GLIS3: variants seen among roughly 807,000 people sequenced by gnomAD.
The protein encoded by GLIS3 is zinc finger protein GLIS3.
In GLIS3, 53 loss-of-function variants were observed where a neutral mutation model predicts 78.6. That is an observed-to-expected ratio of 0.67 (90% confidence interval 0.54 to 0.85). The LOEUF (loss-of-function observed/expected upper bound fraction) is 0.85, where lower values mean the gene tolerates loss of function less well. GLIS3 is among the 40% of genes least tolerant of loss of function. The probability of loss-of-function intolerance (pLI) is 0.00; values close to 1 mark genes in which losing one functional copy is unlikely to be tolerated. For missense variants in GLIS3, 1,703 were observed against 1,231.1 expected, an observed-to-expected ratio of 1.38 and a Z score of -5.74; for synonymous variants, 684 against 509.9, an observed-to-expected ratio of 1.34 and a Z score of -4.60.
intron 4 of GLIS3, among the ~76,000 whole-genome samples, chr9:4,099,445 C>A (rs946661286): frequency 2.9e-5 from 4 of 137,600 alleles, no homozygotes; most frequent in Non-Finnish European, 6.3e-5. Flanking sequence ...TTGCACATCA[C>A]CTTCCCCCAA....
intron 4 of GLIS3, among the ~76,000 whole-genome samples, chr9:4,081,790 A>G (rs532075843): frequency 3.7e-4 from 56 of 152,286 alleles, no homozygotes; most frequent in African/African-American, 1.3e-3. Context: ...TAAATTAGCC[A>G]CCATAATTTC....
At chr9:4,385,823 AGAAAAG>A in the GLIS3 span, among the ~76,000 whole-genome samples, 2 of 17,428 alleles carry the variant, frequency 1.1e-4, no homozygotes, top group Admixed American at 8.4e-4. Context: ...AGAAAGAAAG[AGAAAAG>A]AAAGAAAAAA....
intron 2 of GLIS3, among the ~76,000 whole-genome samples, chr9:4,173,200 G>A (rs917050396): frequency 1.3e-5 from 2 of 152,112 alleles, no homozygotes; most frequent in Non-Finnish European, 2.9e-5. Context: ...AAAGAAATTA[G>A]CCAAAACAGG....
At chr9:4,061,987 T>G (rs1826693876) in intron 4 of GLIS3, among the ~76,000 whole-genome samples, 1 of 152,216 alleles carries the variant, frequency 6.6e-6, no homozygotes, top group African/African-American at 2.4e-5. Context: ...GTGGCAGGAC[T>G]CCTCATCCTC....
At chr9:4,425,733 G>T in the GLIS3 span, among the ~76,000 whole-genome samples, 1 of 152,302 alleles carries the variant, frequency 6.6e-6, no homozygotes, top group East Asian at 1.9e-4. Flanking sequence ...CCTTTACCTA[G>T]TACCACCTGC....
intron 2 of GLIS3, among the ~76,000 whole-genome samples, chr9:4,325,964 C>T (rs1168007009): frequency 2.0e-5 from 3 of 152,162 alleles, no homozygotes; most frequent in Non-Finnish European, 4.4e-5. Flanking sequence ...GAGAAACAAA[C>T]ACCACCTGTT....
chr9:4,216,996 G>C (rs893756555), intron 2 of GLIS3, among the ~76,000 whole-genome samples: 3 of 152,212 alleles, frequency 2.0e-5, no homozygotes, highest in Non-Finnish European at 2.9e-5. Context: ...CCACATTAAA[G>C]GGATTCAGCT....
the GLIS3 span, among the ~76,000 whole-genome samples, chr9:4,421,934 C>T: frequency 7.2e-5 from 11 of 152,278 alleles, no homozygotes; most frequent in South Asian, 1.0e-3. Context: ...TGTTTATTTT[C>T]AGTCATCTCT....
chr9:4,212,319 C>T (rs1181630743), intron 2 of GLIS3, among the ~76,000 whole-genome samples: 1 of 152,214 alleles, frequency 6.6e-6, no homozygotes, highest in Non-Finnish European at 1.5e-5. Context: ...ATTTCACAGC[C>T]ACACTTGTAG....
chr9:4,210,848 A>G (rs73400408), intron 2 of GLIS3, among the ~76,000 whole-genome samples: 14 of 152,122 alleles, frequency 9.2e-5, no homozygotes, highest in African/African-American at 3.1e-4. Flanking sequence ...TTGTCCCCCA[A>G]CTTGGAATGT....
At chr9:4,383,966 A>G in the GLIS3 span, among the ~76,000 whole-genome samples, 1 of 152,200 alleles carries the variant, frequency 6.6e-6, no homozygotes, top group African/African-American at 2.4e-5. Context: ...CAAGACTTAC[A>G]GCCTTAAATA....
the GLIS3 span, among the ~76,000 whole-genome samples, chr9:4,366,957 C>G: frequency 4.7e-5 from 7 of 149,346 alleles, no homozygotes; most frequent in African/African-American, 9.7e-5. Context: ...CTGCCACTTT[C>G]CAGCAGAAAG....
intron 4 of GLIS3, among the ~76,000 whole-genome samples, chr9:4,099,510 C>G (rs487732): frequency 2.0e-5 from 3 of 151,992 alleles, no homozygotes; most frequent in Non-Finnish European, 4.4e-5. Context: ...ACCAGTTGCA[C>G]TGAACCAGGG....
At position 3,942,660 on chromosome 9, in the gene GLIS3, A is replaced by G. The variant is rs1336036452; in HGVS notation, c.1711-5471T>C. Among the ~76,000 whole-genome samples the G allele has an allele frequency of 2.6e-5, 4 of 152,228 alleles. No individual in the cohort carries two copies. In the East Asian group the frequency reaches 7.7e-4, roughly 29 times the overall value. On this transcript the variant is annotated intron_variant, in intron 4 of 10. Transcript: ENST00000381971. Reference sequence around the variant, plus strand: ...TTTAGTTCTGGAAGCTTCTTTCTAGAGCAGGCTTCCCAGCTTCACCTAGGA... The same window carrying G: ...TTTAGTTCTGGAAGCTTCTTTCTAGGGCAGGCTTCCCAGCTTCACCTAGGA...
At chr9:4,307,755 G>A (rs1002974356) in intron 4 of GLIS3, among the ~76,000 whole-genome samples, 2 of 152,128 alleles carry the variant, frequency 1.3e-5, no homozygotes, top group Non-Finnish European at 2.9e-5. Flanking sequence ...AGGTTTGAAG[G>A]TGCAGGAAGG....
At chr9:4,487,220 T>G in the GLIS3 span, among the ~76,000 whole-genome samples, 3 of 152,180 alleles carry the variant, frequency 2.0e-5, no homozygotes, top group Middle Eastern at 0.01. Flanking sequence ...GAGCAAGAGT[T>G]CTCGTGGGTC....
chr9:3,830,928 C>T (rs1818007950), intron 9 of GLIS3, among the ~76,000 whole-genome samples: 1 of 152,172 alleles, frequency 6.6e-6, no homozygotes, highest in Non-Finnish European at 1.5e-5. Flanking sequence ...TGTAACTGCT[C>T]AGATCACCCT....
At chr9:4,157,808 C>G (rs1835149065) in intron 2 of GLIS3, among the ~76,000 whole-genome samples, 1 of 152,178 alleles carries the variant, frequency 6.6e-6, no homozygotes, top group African/African-American at 2.4e-5. Context: ...CAGTCCACAT[C>G]ACGTATGCAT....
chr9:4,251,742 C>T (rs891566147), intron 2 of GLIS3, among the ~76,000 whole-genome samples: 5 of 152,184 alleles, frequency 3.3e-5, no homozygotes, highest in African/African-American at 1.2e-4. Flanking sequence ...GTGGCTGGTA[C>T]CAGTTTTTCC....
Sources: allele counts gnomAD v4.1 joint callset (sites outside exome capture counted in the v4.1 genomes callset), GRCh38; gene constraint gnomAD v4.1.1; transcripts MANE v1.5; gene names NCBI Gene and HGNC (gene_info 2026-07-23, HGNC 2026-07-21).